The following DZIP1 variants were observed in gnomAD, a reference collection of about 807,000 sequenced individuals.
DZIP1 encodes the protein cilium assembly protein DZIP1.
In DZIP1, 97 loss-of-function variants were observed where a neutral mutation model predicts 107.6. The ratio of observed to expected loss-of-function variants is 0.90; its 90% CI spans 0.77 to 1.07. The LOEUF (loss-of-function observed/expected upper bound fraction) is 1.07, where lower values mean the gene tolerates loss of function less well. Among genes scored for constraint, DZIP1 ranks in the 50% least tolerant of loss-of-function variants. DZIP1 has a pLI of 0.00. For synonymous variants in DZIP1, 390 were observed against 386.4 expected (o/e 1.01, Z -0.11); for missense variants, 1,035 against 1,063.6 (o/e 0.97, Z 0.37).
At position 95,587,404 on chromosome 13, in the gene DZIP1, G is replaced by A. The variant is rs1165471487; in HGVS notation, c.2218+135C>T. The stretch of plus-strand genomic sequence containing the variant: ...ATGTGCTAAACCCTGCCCATTTTCC[G>A]TGGGTGCCTTTGGGATCCGCTGCAT... On this transcript the variant is annotated intron_variant, in intron 20 of 22. Transcript: ENST00000376829. The A allele has an allele frequency of 5.1e-6, 6 of 1,173,890 alleles. No homozygotes were observed. The African/African-American group carries it at 7.7e-5, about 15-fold the overall frequency. The allele number at this position is 1,173,890 out of a possible 1,614,324, so 72.7% of individuals were successfully genotyped here.
intron 8 of DZIP1, 131 bp downstream of exon 8, chr13:95,624,637 G>T: frequency 2.4e-6 from 2 of 823,938 alleles, no homozygotes; most frequent in African/African-American, 3.5e-5. Flanking sequence ...CCTCCCTCAA[G>T]ACTCTCAGGG....
chr13:95,614,328 C>G (rs1269780144), intron 10 of DZIP1, among the ~76,000 whole-genome samples: 2 of 152,244 alleles, frequency 1.3e-5, no homozygotes, highest in Non-Finnish European at 2.9e-5. Flanking sequence ...AGAGCTTTCA[C>G]TACATCTTTA....
At chr13:95,605,070 G>A (rs190465812) in intron 14 of DZIP1, among the ~76,000 whole-genome samples, 8 of 151,994 alleles carry the variant, frequency 5.3e-5, no homozygotes, top group South Asian at 2.1e-4. Flanking sequence ...AATGATCTTC[G>A]GGAAAAAAAT....
chr13:95,624,668 G>T, intron 8 of DZIP1, 100 bp downstream of exon 8: 1 of 1,038,078 alleles, frequency 9.6e-7, no homozygotes, highest in Non-Finnish European at 1.4e-6. Context: ...CTGCACGAGG[G>T]TAACATAAAG....
At chr13:95,601,107 T>C (rs2044606616) in intron 14 of DZIP1, among the ~76,000 whole-genome samples, 1 of 152,202 alleles carries the variant, frequency 6.6e-6, no homozygotes, top group African/African-American at 2.4e-5. Context: ...GATACTCCTA[T>C]GACTTATTTC....
chr13:95,622,212 A>C, intron 9 of DZIP1, 131 bp downstream of exon 9: 1 of 1,188,208 alleles, frequency 8.4e-7, no homozygotes. Flanking sequence ...CTGTAGGAGA[A>C]AAATAACAGC....
chr13:95,603,275 C>A (rs2044670799), intron 14 of DZIP1, among the ~76,000 whole-genome samples: 1 of 126,648 alleles, frequency 7.9e-6, no homozygotes, highest in Non-Finnish European at 1.6e-5. Flanking sequence ...TCACCACATT[C>A]CAGCCTGGGC....
At chr13:95,625,165 C>T (rs973393420) in intron 7 of DZIP1, among the ~76,000 whole-genome samples, 1 of 152,162 alleles carries the variant, frequency 6.6e-6, no homozygotes, top group Non-Finnish European at 1.5e-5. Flanking sequence ...CACAGACGCC[C>T]AAAGCCTCCA....
In DZIP1 at chr13:95,633,318, G is replaced by A. The variant is rs1238782461; in HGVS notation, c.601C>T (p.His201Tyr). ...IEAKANYYQC[H>Y]FCDKAFMNQA... ...TTCATAAAGGCCTTGTCACAAAAAT[G>A]GCACTGAAAAGGAGAGAGCAACAAA... Residue 201 changes from histidine (H) to tyrosine (Y), a missense_variant, in exon 6 of 23, where the codon CAT (histidine) becomes TAT (tyrosine). Physicochemically the swap from His to Tyr is moderately conservative, Grantham distance 83. Coordinates refer to ENST00000376829, the MANE Select transcript of DZIP1 (RefSeq NM_198968.4). The A allele has an allele frequency of 1.9e-6, 3 of 1,613,758 alleles. No homozygotes were observed. The highest frequency in any genetic ancestry group is 1.7e-5 in the Admixed American group (1 of 59,992).
rs77501061 is a variant in DZIP1 at position 95,634,088 on chromosome 13, C to T, written c.598-767G>A. ...AGACTGACAGCTTCCACTCTATCAA[C>T]AACAACCTGCCCCTGCCACTCCAGC... On this transcript the variant is annotated intron_variant, in intron 5 of 22. Transcript: ENST00000376829. Among the ~76,000 whole-genome samples the T allele has an allele frequency of 4.1e-4, 62 of 152,316 alleles. No homozygotes were observed. In the East Asian group the frequency reaches 0.012, roughly 28 times the overall value.
intron 13 of DZIP1, among the ~76,000 whole-genome samples, chr13:95,609,066 C>G (rs191228194): frequency 6.6e-6 from 1 of 152,342 alleles, no homozygotes; most frequent in East Asian, 1.9e-4. Flanking sequence ...TGGGGACAGA[C>G]AGGCCACCTG....
chr13:95,593,753 A>G (rs988496815), intron 16 of DZIP1, among the ~76,000 whole-genome samples, 191 bp downstream of exon 16: 36 of 152,338 alleles, frequency 2.4e-4, no homozygotes, highest in Non-Finnish European at 7.4e-5. Context: ...AATATTTGTT[A>G]AGGTCGTAGA....
intron 10 of DZIP1, among the ~76,000 whole-genome samples, chr13:95,615,058 C>A (rs1388005336): frequency 6.6e-6 from 1 of 152,090 alleles, no homozygotes; most frequent in Non-Finnish European, 1.5e-5. Flanking sequence ...AGCTTCTAAA[C>A]AAGTCAAACC....
chr13:95,624,795 T>C lies in DZIP1; in HGVS notation c.945A>G (p.Leu315=), dbSNP rs1255377791. 6.2e-7 allele frequency: 1 copy of C among 1,604,944 alleles called. No individual in the cohort carries two copies. Among genetic ancestry groups the C allele is most frequent in the African/African-American group, 1.3e-5 (1 of 74,830 alleles). Residue 315 remains leucine (L), a synonymous_variant, in exon 8 of 23, where the codon TTA becomes TTG. Transcript: ENST00000376829. ...ATTCTAATGCTGAATTCTTCGAAGT[T>C]AATTCTTTAAATTCCTTCATAAACA... ...KEMFMKEFKE[L]TSKNSALEYQ... is the part of the protein sequence containing the mutation.
chr13:95,591,093 A>G (rs1256844412), intron 16 of DZIP1, among the ~76,000 whole-genome samples: 1 of 150,034 alleles, frequency 6.7e-6, no homozygotes, highest in Admixed American at 6.6e-5. Flanking sequence ...CAATGGCGCA[A>G]TCTCAGTTCA....
intron 14 of DZIP1, among the ~76,000 whole-genome samples, chr13:95,604,665 T>C (rs1358870372): frequency 2.0e-5 from 3 of 152,208 alleles, no homozygotes; most frequent in Non-Finnish European, 4.4e-5. Context: ...TGTCCTTTAG[T>C]TAGCAACAAA....
chr13:95,614,489 G>A lies in DZIP1; in HGVS notation c.1174-2312C>T, dbSNP rs934017748. On this transcript the variant is annotated intron_variant, in intron 10 of 22. Transcript: ENST00000376829. ...CATGGGGAGTTGCTCCAGGCCCCAG[G>A]AAGAAAGGAGATGTGGGAATATCTA... Among the ~76,000 whole-genome samples, 9 of 152,298 alleles carry A rather than the reference G, an allele frequency of 5.9e-5. No homozygotes were observed. In the East Asian group the frequency reaches 1.5e-3, roughly 26 times the overall value.
At chr13:95,618,783 G>GA (rs1475508761) in intron 10 of DZIP1, among the ~76,000 whole-genome samples, 1 of 152,124 alleles carries the variant, frequency 6.6e-6, no homozygotes, top group Non-Finnish European at 1.5e-5. Context: ...GGTAATATTA[G>GA]AAAATGTGCA....
chr13:95,587,820 C>T, intron 19 of DZIP1, 91 bp from the exon 20 acceptor site: 2 of 1,421,260 alleles, frequency 1.4e-6, no homozygotes, highest in Non-Finnish European at 1.9e-6. Flanking sequence ...AGTGGTGGCA[C>T]CTTTCTCAGG....
Sources: gnomAD v4.1 joint callset for allele counts (sites outside exome capture counted in the v4.1 genomes callset) on GRCh38, gnomAD v4.1.1 for gene constraint, MANE v1.5 for transcripts, NCBI Gene and HGNC (gene_info 2026-07-23, HGNC 2026-07-21) for gene names.